ABCA6: variants seen among roughly 807,000 people sequenced by gnomAD.
ABCA6 encodes the protein ATP-binding cassette sub-family A member 6.
ABCA6 carries 164 observed loss-of-function variants against 191.2 expected under a neutral mutation model. The ratio of observed to expected loss-of-function variants is 0.86; its 90% CI spans 0.76 to 0.98. The LOEUF is 0.98. ABCA6 is among the 50% of genes least tolerant of loss of function. The pLI is 0.00. For synonymous variants in ABCA6, 636 were observed against 647.7 expected (o/e 0.98, Z 0.27); for missense variants, 1,958 against 1,894.1 (o/e 1.03, Z -0.63).
Position 69,100,899 on chromosome 17 carries a change from T to C in ABCA6, c.2910A>G (p.Arg970=). Residue 970 remains arginine (R), a synonymous_variant, in exon 22 of 39, where the codon AGA becomes AGG. Coordinates refer to ENST00000284425, the MANE Select transcript of ABCA6 (RefSeq NM_080284.3). ...TCATAAGAATTGGAAAACAGTGCAA[T>C]CTCTTGGTATTACACACAACTGAAA... The part of the protein sequence containing the change: ...YRFSVVCNTK[R]LHCFPILMNI... 1 of 1,605,170 alleles carries C rather than the reference T, an allele frequency of 6.2e-7. No individual in the cohort carries two copies. Among genetic ancestry groups the C allele is most frequent in the Non-Finnish European group, 8.5e-7 (1 of 1,173,352 alleles).
intron 20 of ABCA6, 118 bp downstream of exon 20, chr17:69,105,344 A>C: frequency 4.1e-6 from 4 of 981,746 alleles, no homozygotes; most frequent in Non-Finnish European, 6.0e-6. Context: ...TGTTTTCTAT[A>C]AATGAAGTTT....
chr17:69,081,035 A>C, intron 37 of ABCA6, 31 bp downstream of exon 37: 1 of 1,377,132 alleles, frequency 7.3e-7, no homozygotes, highest in Non-Finnish European at 1.0e-6. Flanking sequence ...TTGATTCTTC[A>C]AAAGATTTAT....
chr17:69,103,093 TG>T, intron 20 of ABCA6, 125 bp from the exon 21 acceptor site: 1 of 574,962 alleles, frequency 1.7e-6, no homozygotes, highest in East Asian at 3.3e-5. Flanking sequence ...TGTCTTTCTT[TG>T]GGTATCACAA....
At chr17:69,140,163 A>G (rs1040268854) in intron 2 of ABCA6, among the ~76,000 whole-genome samples, 1 of 152,182 alleles carries the variant, frequency 6.6e-6, no homozygotes, top group Non-Finnish European at 1.5e-5. Context: ...GATTTGGGCT[A>G]GTCATCTGTG....
intron 16 of ABCA6, 91 bp from the exon 17 acceptor site, chr17:69,111,031 C>A (rs1457816491): frequency 7.9e-7 from 1 of 1,263,086 alleles, no homozygotes; most frequent in Non-Finnish European, 1.1e-6. Context: ...CTGTTGAGCA[C>A]AACTTTACTT....
chr17:69,140,809 T>C, intron 1 of ABCA6, 61 bp from the exon 2 acceptor site: 5 of 531,432 alleles, frequency 9.4e-6, no homozygotes, highest in African/African-American at 2.0e-5. Flanking sequence ...AAATATTTAC[T>C]ACCTTTAAAA....
rs763423046 is a variant in ABCA6, at chr17:69,085,021, T to A, written c.4184+7A>T. 6.2e-7 allele frequency: 1 copy of A among 1,607,212 alleles called. No individual in the cohort carries two copies. Among genetic ancestry groups the A allele is most frequent in the Non-Finnish European group, 8.5e-7 (1 of 1,178,220 alleles). On this transcript the variant is annotated splice_region_variant and intron_variant, in intron 32 of 38. Coordinates refer to ENST00000284425, the MANE Select transcript of ABCA6 (RefSeq NM_080284.3). ...TGACACAAAGGAATCGCAGGTCCCG[T>A]CTGTACCTTGCGATGGCGAGCCTCG...
chr17:69,121,805 G>T (rs1280884474), intron 10 of ABCA6, among the ~76,000 whole-genome samples: 2 of 151,952 alleles, frequency 1.3e-5, no homozygotes, highest in Non-Finnish European at 2.9e-5. Flanking sequence ...TGGTAAAGAA[G>T]GATTGATGAC....
intron 6 of ABCA6, among the ~76,000 whole-genome samples, chr17:69,130,044 G>A (rs954292819): frequency 2.6e-5 from 4 of 152,016 alleles, no homozygotes; most frequent in African/African-American, 4.8e-5. Context: ...GGCCAGGCAC[G>A]GTGGCTCATG....
At position 69,084,229 on chromosome 17, in the gene ABCA6, T is replaced by C. The variant is rs377157165; in HGVS notation, c.4355+32A>G. On this transcript the variant is annotated intron_variant, in intron 34 of 38. Coordinates refer to ENST00000284425, the MANE Select transcript of ABCA6 (RefSeq NM_080284.3). Reference sequence around the variant, plus strand: ...AATATGCAACCTTCCCTAATGTGCATGCTCGCAGCTCTGGGGTATAATGAT... The same window carrying C: ...AATATGCAACCTTCCCTAATGTGCACGCTCGCAGCTCTGGGGTATAATGAT... 5.6e-6 allele frequency: 9 copies of C among 1,604,058 alleles called. No individual in the cohort carries two copies. The African/African-American group carries it at 9.4e-5, about 17-fold the overall frequency.
chr17:69,109,739 C>T (rs1042559112), intron 17 of ABCA6: 2 of 152,176 alleles, frequency 1.3e-5, no homozygotes, highest in Non-Finnish European at 2.9e-5. Context: ...CCGAGCTATA[C>T]CCACCTGTCA....
intron 15 of ABCA6, chr17:69,112,477 A>T: frequency 2.1e-6 from 1 of 476,700 alleles, no homozygotes; most frequent in Non-Finnish European, 3.7e-6. Context: ...TCAGCCATAA[A>T]AGAGAATGAA....
intron 31 of ABCA6, 146 bp downstream of exon 31, chr17:69,085,479 T>G (rs1292565507): frequency 1.9e-6 from 1 of 521,484 alleles, no homozygotes; most frequent in Admixed American, 6.1e-5. Flanking sequence ...TGATGCCCAG[T>G]AAAAATTTAA....
At chr17:69,093,135 C>G (rs1189500569) in intron 25 of ABCA6, among the ~76,000 whole-genome samples, 2 of 152,138 alleles carry the variant, frequency 1.3e-5, no homozygotes, top group Non-Finnish European at 2.9e-5. Flanking sequence ...CCTGTCACTA[C>G]TTTTTGTGTT....
chr17:69,085,134 G>A lies in ABCA6; in HGVS notation c.4078C>T (p.Pro1360Ser), dbSNP rs182377176. The A allele has an allele frequency of 3.1e-6, 5 of 1,612,682 alleles. No individual in the cohort carries two copies. In the African/African-American group the frequency reaches 4.0e-5, roughly 13 times the overall value. Residue 1360 changes from proline to serine, a missense_variant, in exon 32 of 39, where the codon CCT (proline) becomes TCT (serine). Coordinates refer to ENST00000284425, the MANE Select transcript of ABCA6 (RefSeq NM_080284.3). Reference sequence around the variant, plus strand: ...ATGGGCCACAGCACGTTCTCTTGAGGGCAGTACCCCAGGTGGCCCAAAACT... The same window carrying A: ...ATGGGCCACAGCACGTTCTCTTGAGAGCAGTACCCCAGGTGGCCCAAAACT... ...SSVLGHLGYC[P>S]QENVLWPMLT... is the part of the protein sequence containing the mutation.
chr17:69,105,232 T>G, intron 20 of ABCA6: 1 of 476,174 alleles, frequency 2.1e-6, no homozygotes, highest in Non-Finnish European at 3.7e-6. Flanking sequence ...AGAGACGTCT[T>G]TACTCTTCCA....
At chr17:69,139,195 C>T (rs1355166756) in intron 2 of ABCA6, among the ~76,000 whole-genome samples, 9 of 152,156 alleles carry the variant, frequency 5.9e-5, no homozygotes, top group Non-Finnish European at 1.3e-4. Context: ...CCAACCTACT[C>T]ATCTGACAAA....
Position 69,129,737 on chromosome 17 carries a change from A to G in ABCA6, c.806T>C (p.Leu269Pro). The change falls in exon 7 of 39, where the codon CTA (leucine) becomes CCA (proline). Residue 269 changes from leucine to proline, a missense_variant. Coordinates refer to ENST00000284425, the MANE Select transcript of ABCA6 (RefSeq NM_080284.3). ...AATAAAGATGAAGCCAGCATAGATTAGACCCCAGGAGAGCCTAAATAAAGA... is the reference window on the plus strand; with the variant it reads ...AATAAAGATGAAGCCAGCATAGATTGGACCCCAGGAGAGCCTAAATAAAGA... ...QDSAFWLSWG[L>P]IYAGFIFIIS... 1 of 1,580,060 alleles carries G rather than the reference A, an allele frequency of 6.3e-7. No homozygotes were observed. The highest frequency in any genetic ancestry group is 8.6e-7 in the Non-Finnish European group (1 of 1,166,444).
intron 5 of ABCA6, 54 bp downstream of exon 5, chr17:69,134,585 G>A: frequency 2.4e-6 from 3 of 1,276,186 alleles, no homozygotes; most frequent in Non-Finnish European, 3.4e-6. Flanking sequence ...AAAATCTTGA[G>A]GTCTCTGGAA....
Sources: allele counts gnomAD v4.1 joint callset (sites outside exome capture counted in the v4.1 genomes callset), GRCh38; gene constraint gnomAD v4.1.1; transcripts MANE v1.5; gene names NCBI Gene and HGNC (gene_info 2026-07-23, HGNC 2026-07-21).